Variants in SYT2 observed in about 807,000 individuals in gnomAD.
The protein encoded by SYT2 is synaptotagmin 2, also known as synaptotagmin-2.
A neutral mutation model predicts 39.9 loss-of-function variants in SYT2; 15 were observed. The ratio of observed to expected loss-of-function variants is 0.38; its 90% CI spans 0.25 to 0.58. SYT2 has a LOEUF of 0.58. SYT2 is among the 20% of genes least tolerant of loss of function. The probability of loss-of-function intolerance (pLI) is 0.70; values close to 1 mark genes in which losing one functional copy is unlikely to be tolerated. For missense variants in SYT2, 389 were observed against 530.3 expected (o/e 0.73, Z 2.62); for synonymous variants, 181 against 204.5 (o/e 0.89, Z 0.98).
chr1:202,666,084 C>T (rs1279032053), intron 1 of SYT2, among the ~76,000 whole-genome samples: 6 of 144,328 alleles, frequency 4.2e-5, no homozygotes, highest in Middle Eastern at 3.6e-3. Context: ...ACCAGGGAGG[C>T]GGAGCTTGCA....
intron 1 of SYT2, among the ~76,000 whole-genome samples, chr1:202,699,837 C>T (rs1412953573): frequency 2.6e-5 from 4 of 151,850 alleles, no homozygotes; most frequent in East Asian, 1.9e-4. Context: ...AGCATGGTCT[C>T]GTATGTCGGT....
chr1:202,631,621 C>G (rs1691595076), intron 1 of SYT2, among the ~76,000 whole-genome samples: 1 of 152,158 alleles, frequency 6.6e-6, no homozygotes, highest in Non-Finnish European at 1.5e-5. Flanking sequence ...CTTCACAGCA[C>G]CGAGGGCTGG....
chr1:202,691,599 G>A (rs1653817804), intron 1 of SYT2, among the ~76,000 whole-genome samples: 1 of 150,060 alleles, frequency 6.7e-6, no homozygotes, highest in Admixed American at 6.7e-5. Context: ...GCAGTGAGCT[G>A]AAATCATGCC....
At chr1:202,666,295 G>T (rs1440398970) in intron 1 of SYT2, among the ~76,000 whole-genome samples, 1 of 152,172 alleles carries the variant, frequency 6.6e-6, no homozygotes, top group Non-Finnish European at 1.5e-5. Context: ...CAGCTTGACT[G>T]GCTGTTTCAT....
At chr1:202,639,050 AT>A (rs1269436767) in intron 1 of SYT2, among the ~76,000 whole-genome samples, 8 of 152,048 alleles carry the variant, frequency 5.3e-5, no homozygotes, top group Non-Finnish European at 1.2e-4. Context: ...ATCTGGGATT[AT>A]TTTTTTCACG....
chr1:202,679,880 A>C (rs904395719), intron 1 of SYT2, among the ~76,000 whole-genome samples: 2 of 152,118 alleles, frequency 1.3e-5, no homozygotes, highest in African/African-American at 4.8e-5. Context: ...TTCAGCCCTC[A>C]ATGCTGTGCC....
intron 1 of SYT2, chr1:202,627,690 C>G: frequency 1.1e-6 from 1 of 944,398 alleles, no homozygotes; most frequent in Non-Finnish European, 1.3e-6. Context: ...CTGCCTTACC[C>G]AAACTTGAAA....
At chr1:202,607,515 G>A (rs1288288542) in intron 1 of SYT2, among the ~76,000 whole-genome samples, 2 of 152,164 alleles carry the variant, frequency 1.3e-5, no homozygotes, top group South Asian at 2.1e-4. Flanking sequence ...TTCTTCTGAA[G>A]GAACATTTTA....
chr1:202,643,585 G>A (rs554708050), intron 1 of SYT2: 13 of 151,996 alleles, frequency 8.6e-5, no homozygotes, highest in Non-Finnish European at 1.5e-4. Context: ...CGCAAACCAC[G>A]ACGCAGGGCC....
Position 202,628,989 on chromosome 1 carries a change from T to A in SYT2, c.-17-23200A>T, listed in dbSNP as rs1691494561. Among the ~76,000 whole-genome samples, 1 of 152,156 alleles carries A rather than the reference T, an allele frequency of 6.6e-6. No individual in the cohort carries two copies. Among genetic ancestry groups the A allele is most frequent in the Non-Finnish European group, 1.5e-5 (1 of 68,024 alleles). On this transcript the variant is annotated intron_variant, in intron 1 of 8. Transcript: ENST00000367268. This position sits in a 1 kb window ranked among gnomAD's most constrained non-coding sequence, Gnocchi z 4.2. ...AGCTGCTGCGCAGGGCTGCGAGGCT[T>A]AGGAGCACTGTATGTAAAGCATGGT...
At chr1:202,636,369 T>G in intron 1 of SYT2, 2 of 985,368 alleles carry the variant, frequency 2.0e-6, no homozygotes, top group African/African-American at 3.5e-5. Flanking sequence ...AAAGCCAGCA[T>G]GTGCTCCAGA....
intron 1 of SYT2, among the ~76,000 whole-genome samples, chr1:202,657,961 C>T (rs2149104631): frequency 6.6e-6 from 1 of 152,264 alleles, no homozygotes; most frequent in East Asian, 1.9e-4. Context: ...CCTGGGGACC[C>T]TCTCACTTGG....
chr1:202,622,886 C>T (rs112556244), intron 1 of SYT2, among the ~76,000 whole-genome samples: 15,174 of 152,244 alleles, frequency 0.1, 1,326 homozygotes, highest in African/African-American at 0.23. Flanking sequence ...TTACAGACAA[C>T]GCAGTCCACA....
chr1:202,600,858 C>T (rs941750022), intron 6 of SYT2, among the ~76,000 whole-genome samples: 2 of 152,158 alleles, frequency 1.3e-5, no homozygotes, highest in African/African-American at 2.4e-5. Context: ...GTGCGAGAAG[C>T]GGGTGGGTTA....
chr1:202,671,171 G>T (rs1692582311), intron 1 of SYT2, among the ~76,000 whole-genome samples: 1 of 152,244 alleles, frequency 6.6e-6, no homozygotes, highest in Admixed American at 6.5e-5. Context: ...ACAAAGTCAT[G>T]ATCAGCCTTC....
chr1:202,660,923 G>A (rs373400992), intron 1 of SYT2, among the ~76,000 whole-genome samples: 1 of 152,212 alleles, frequency 6.6e-6, no homozygotes, highest in South Asian at 2.1e-4. Context: ...CTTCTATCCG[G>A]ACTTAAGGAC....
rs1692421954 is a variant in SYT2 at position 202,663,357 on chromosome 1, T to C, written c.-18+46901A>G. On this transcript the variant is annotated intron_variant, in intron 1 of 8. Transcript: ENST00000367268. ...CGACAGTTCAGCCTGCTCCCGGCCC[T>C]GCCCTCTTCTTTCCAGGTTGCTGGG... Among the ~76,000 whole-genome samples the C allele has an allele frequency of 1.3e-5, 2 of 152,180 alleles. 1 individual carries two copies. Among genetic ancestry groups the C allele is most frequent in the Admixed American group, 1.3e-4 (2 of 15,282 alleles).
At chr1:202,629,222 G>T (rs1691500431) in intron 1 of SYT2, among the ~76,000 whole-genome samples, 1 of 152,144 alleles carries the variant, frequency 6.6e-6, no homozygotes, top group Non-Finnish European at 1.5e-5. Context: ...CATGCCTTTA[G>T]CTCCAGCCCA....
chr1:202,681,392 C>G (rs563316160), intron 1 of SYT2, among the ~76,000 whole-genome samples: 1 of 152,204 alleles, frequency 6.6e-6, no homozygotes, highest in South Asian at 2.1e-4. Context: ...ACTGGTGTCT[C>G]GTCTTATTTA....
Sources: gnomAD v4.1 joint callset for allele counts (sites outside exome capture counted in the v4.1 genomes callset) on GRCh38, gnomAD v4.1.1 for gene constraint, Gnocchi (gnomAD v3.1) non-coding constraint, MANE v1.5 for transcripts, NCBI Gene and HGNC (gene_info 2026-07-23, HGNC 2026-07-21) for gene names.